The following FBXL17 variants were observed in gnomAD, a reference collection of about 807,000 sequenced individuals.
FBXL17 encodes F-box/LRR-repeat protein 17.
Under a neutral mutation model 66.2 loss-of-function variants are expected in FBXL17, and 22 were observed. The ratio of observed to expected loss-of-function variants is 0.33; its 90% CI spans 0.24 to 0.47. The LOEUF is 0.47. FBXL17 is among the 20% of genes least tolerant of loss of function. The pLI is 1.00. For missense variants in FBXL17, 878 were observed against 948.2 expected (o/e 0.93, Z 0.97); for synonymous variants, 474 against 400.5 (o/e 1.18, Z -2.19).
intron 7 of FBXL17, among the ~76,000 whole-genome samples, chr5:107,899,157 C>A (rs971356748): frequency 3.3e-5 from 5 of 152,168 alleles, no homozygotes; most frequent in Admixed American, 6.5e-5. Context: ...TTAATGATCG[C>A]CATTCTAACT....
intron 7 of FBXL17, among the ~76,000 whole-genome samples, chr5:107,954,504 A>G (rs905590588): frequency 1.8e-4 from 27 of 152,232 alleles, no homozygotes; most frequent in African/African-American, 6.0e-4. Flanking sequence ...CCTCAAAAGG[A>G]AACACTCTCC....
At chr5:108,025,696 CACACACAA>C (rs138183402) in intron 6 of FBXL17, among the ~76,000 whole-genome samples, 5,784 of 138,656 alleles carry the variant, frequency 0.042, 363 homozygotes, top group African/African-American at 0.15. Context: ...CACACACACA[CACACACAA>C]ACACACACAC....
In FBXL17 at chr5:108,137,646, T is replaced by C. The variant is rs181130334; in HGVS notation, c.1745+48471A>G. ...TGCTTCAGAAAATGTACTGTACTTG[T>C]GAATTATATATTTCAAGAGAAAGTC... is the stretch of plus-strand genomic sequence containing the variant. On this transcript the variant is annotated intron_variant, in intron 6 of 8. Transcript: ENST00000542267. Among the ~76,000 whole-genome samples, 6 of 152,280 alleles carry C rather than the reference T, an allele frequency of 3.9e-5. No individual in the cohort carries two copies. The East Asian group carries it at 7.7e-4, about 20-fold the overall frequency.
intron 7 of FBXL17, among the ~76,000 whole-genome samples, chr5:107,945,764 T>A (rs1017941062): frequency 2.0e-5 from 3 of 152,184 alleles, no homozygotes; most frequent in Non-Finnish European, 4.4e-5. Context: ...GGCTGGTAAC[T>A]TTTGGAGAGC....
At chr5:108,130,404 A>G (rs1750884403) in intron 6 of FBXL17, among the ~76,000 whole-genome samples, 1 of 152,046 alleles carries the variant, frequency 6.6e-6, no homozygotes, top group African/African-American at 2.4e-5. Context: ...ATATAGTAAT[A>G]TAATTTTAGG....
chr5:108,372,826 T>C (rs1458950356), intron 1 of FBXL17, among the ~76,000 whole-genome samples: 1 of 152,194 alleles, frequency 6.6e-6, no homozygotes, highest in Non-Finnish European at 1.5e-5. Flanking sequence ...AAATCACATA[T>C]GAACTAAAGG....
intron 4 of FBXL17, among the ~76,000 whole-genome samples, chr5:108,340,571 T>C (rs935319740): frequency 5.3e-5 from 8 of 152,116 alleles, no homozygotes; most frequent in Non-Finnish European, 1.2e-4. Flanking sequence ...AAAATACCCC[T>C]TGAGTACATT....
chr5:108,308,128 C>T (rs1758940820), intron 4 of FBXL17, among the ~76,000 whole-genome samples: 1 of 152,036 alleles, frequency 6.6e-6, no homozygotes, highest in Non-Finnish European at 1.5e-5. Context: ...CCTACTACTG[C>T]TGTTTTTCAC....
At chr5:107,876,212 A>G (rs1392326956) in intron 8 of FBXL17, among the ~76,000 whole-genome samples, 1 of 152,216 alleles carries the variant, frequency 6.6e-6, no homozygotes, top group Non-Finnish European at 1.5e-5. Context: ...TTTCCCATCT[A>G]TAACTATGCA....
At position 108,174,748 on chromosome 5, in the gene FBXL17, CAAAA is replaced by C. The variant is rs34237156; in HGVS notation, c.1745+11365_1745+11368del. 4.9e-3 allele frequency among the ~76,000 whole-genome samples: 449 copies of C among 92,502 alleles called. 1 individual carries two copies. The highest frequency in any genetic ancestry group is 0.042 in the Middle Eastern group (8 of 192). 60.7% of individuals were successfully genotyped at this position (92,502 alleles called of 152,430 possible). A position where few individuals can be genotyped will look rare whatever the true frequency, so the allele number is the denominator to read the frequency against. ...TAGCTATACTTTTTACACAAAGAAG[CAAAA>C]AAAAAAAAAAAAAAAAAGCTGCAAC... On this transcript the variant is annotated intron_variant, in intron 6 of 8. Coordinates refer to ENST00000542267, the MANE Select transcript of FBXL17 (RefSeq NM_001163315.3).
intron 4 of FBXL17, among the ~76,000 whole-genome samples, chr5:108,244,913 G>T (rs1190229065): frequency 3.3e-5 from 5 of 152,042 alleles, no homozygotes; most frequent in African/African-American, 1.2e-4. Context: ...ATAACTGTTT[G>T]ATACTTGAAT....
intron 1 of FBXL17, among the ~76,000 whole-genome samples, chr5:108,370,047 G>A (rs545873434): frequency 1.0e-3 from 155 of 152,204 alleles, no homozygotes; most frequent in African/African-American, 3.5e-3. Context: ...CACTCATACC[G>A]GGACCATCTA....
chr5:108,283,857 C>G (rs369124980), intron 4 of FBXL17, among the ~76,000 whole-genome samples: 1 of 151,406 alleles, frequency 6.6e-6, no homozygotes, highest in East Asian at 1.9e-4. Context: ...ACAAATAACC[C>G]CATTTAAAAG....
chr5:108,267,737 A>G (rs1325564046), intron 4 of FBXL17, among the ~76,000 whole-genome samples: 2 of 152,060 alleles, frequency 1.3e-5, no homozygotes, highest in South Asian at 2.1e-4. Context: ...AATAAATAAA[A>G]TAAGTGCTAT....
intron 4 of FBXL17, among the ~76,000 whole-genome samples, chr5:108,334,731 T>C (rs187314458): frequency 1.7e-3 from 256 of 152,314 alleles, no homozygotes; most frequent in Non-Finnish European, 1.5e-3. Flanking sequence ...TTGTTTAAAA[T>C]CCTTTTCCAG....
At position 108,069,072 on chromosome 5, in the gene FBXL17, TACAC is replaced by T. The variant is rs1427831901; in HGVS notation, c.1746-48075_1746-48072del. Among the ~76,000 whole-genome samples, 4 of 152,082 alleles carry T rather than the reference TACAC, an allele frequency of 2.6e-5. No homozygotes were observed. The East Asian group carries it at 7.7e-4, about 29-fold the overall frequency. On this transcript the variant is annotated intron_variant, in intron 6 of 8. Transcript: ENST00000542267. ...TGTGAGTGTAACACTTTCACACACA[TACAC>T]ACACAAACATACACACACCCCTCAC...
chr5:108,053,780 T>C (rs1235209983), intron 6 of FBXL17, among the ~76,000 whole-genome samples: 2 of 152,176 alleles, frequency 1.3e-5, no homozygotes, highest in Non-Finnish European at 2.9e-5. Flanking sequence ...CAAAGGAATA[T>C]ACATCATTCT....
intron 7 of FBXL17, among the ~76,000 whole-genome samples, chr5:107,987,320 C>T (rs1376832479): frequency 6.6e-6 from 1 of 151,244 alleles, no homozygotes; most frequent in East Asian, 1.9e-4. Flanking sequence ...CCAACAATCA[C>T]CTTTTTGTAA....
chr5:108,373,360 ATATT>A (rs1157163115), intron 1 of FBXL17, among the ~76,000 whole-genome samples: 2 of 46,708 alleles, frequency 4.3e-5, no homozygotes, highest in African/African-American at 1.6e-4. Flanking sequence ...ATCTAAATAT[ATATT>A]AATATAAATA....
Sources: allele counts gnomAD v4.1 joint callset (sites outside exome capture counted in the v4.1 genomes callset), GRCh38; gene constraint gnomAD v4.1.1; transcripts MANE v1.5; gene names NCBI Gene and HGNC (gene_info 2026-07-23, HGNC 2026-07-21).